The following BAALC variants were observed in gnomAD, a reference collection of about 807,000 sequenced individuals.
BAALC encodes the protein brain and acute leukemia cytoplasmic protein.
In BAALC, 9 loss-of-function variants were observed where a neutral mutation model predicts 15.5. The ratio of observed to expected loss-of-function variants is 0.58; its 90% confidence interval spans 0.35 to 1.02. BAALC has a LOEUF of 1.02. Among genes scored for constraint, BAALC ranks in the 50% least tolerant of loss-of-function variants. The pLI is 0.02. For missense variants in BAALC, 201 were observed against 192.4 expected (o/e 1.04, Z -0.27); for synonymous variants, 80 against 74.6 (o/e 1.07, Z -0.37).
At chr8:103,172,672 G>A (rs1811522976) in intron 1 of BAALC, among the ~76,000 whole-genome samples, 1 of 152,218 alleles carries the variant, frequency 6.6e-6, no homozygotes. Flanking sequence ...TGGGATTACA[G>A]ACATGAGCCA....
At chr8:103,152,669 T>G (rs1420897575) in intron 1 of BAALC, among the ~76,000 whole-genome samples, 1 of 152,210 alleles carries the variant, frequency 6.6e-6, no homozygotes, top group Non-Finnish European at 1.5e-5. Context: ...CCACACCTTT[T>G]GTACCAGTTA....
At chr8:103,177,101 T>C (rs1327907710) in intron 1 of BAALC, among the ~76,000 whole-genome samples, 2 of 152,204 alleles carry the variant, frequency 1.3e-5, no homozygotes, top group Non-Finnish European at 2.9e-5. Flanking sequence ...TTCATAAAGA[T>C]GGAAAGCATA....
At chr8:103,205,971 TTGA>T (rs1812318567) in intron 1 of BAALC, among the ~76,000 whole-genome samples, 1 of 152,212 alleles carries the variant, frequency 6.6e-6, no homozygotes, top group Non-Finnish European at 1.5e-5. Flanking sequence ...TCTGGGGCAC[TTGA>T]TGAGCATTTT....
intron 2 of BAALC, among the ~76,000 whole-genome samples, chr8:103,223,014 A>G (rs1457847928): frequency 6.6e-6 from 1 of 152,130 alleles, no homozygotes. Context: ...TTTAGTTTTA[A>G]AACTTTTTGG....
At chr8:103,141,170 C>A in intron 1 of BAALC, 113 bp downstream of exon 1, 1 of 1,249,992 alleles carries the variant, frequency 8.0e-7, no homozygotes, top group Non-Finnish European at 1.0e-6. Flanking sequence ...GCGGGGGTGG[C>A]TGGGAGGAAG....
At chr8:103,181,985 G>A (rs1811739729) in intron 1 of BAALC, among the ~76,000 whole-genome samples, 1 of 152,118 alleles carries the variant, frequency 6.6e-6, no homozygotes, top group African/African-American at 2.4e-5. Flanking sequence ...GTCGTTCTGG[G>A]GCTGACTCCG....
At chr8:103,176,817 A>C (rs201576109) in intron 1 of BAALC, among the ~76,000 whole-genome samples, 5 of 152,164 alleles carry the variant, frequency 3.3e-5, no homozygotes, top group African/African-American at 9.7e-5. Context: ...TTTTGCCCCA[A>C]TGTGAATCAA....
At chr8:103,192,209 C>G (rs4734692) in intron 1 of BAALC, among the ~76,000 whole-genome samples, 72,398 of 151,924 alleles carry the variant, frequency 0.48, 17,457 homozygotes, top group South Asian at 0.53. Flanking sequence ...GTGCCACCAC[C>G]CCTGGCTAAT....
intron 1 of BAALC, among the ~76,000 whole-genome samples, chr8:103,158,966 G>C (rs185860945): frequency 6.6e-6 from 1 of 152,244 alleles, no homozygotes; most frequent in Admixed American, 6.5e-5. Context: ...TCATGAATAT[G>C]TTAATTAGCT....
chr8:103,206,266 G>C (rs1474583760), intron 1 of BAALC, among the ~76,000 whole-genome samples: 4 of 152,044 alleles, frequency 2.6e-5, no homozygotes, highest in African/African-American at 7.2e-5. Context: ...TGAGAACCCT[G>C]ACTGATACAG....
chr8:103,162,443 A>C (rs1811247515), intron 1 of BAALC, among the ~76,000 whole-genome samples: 1 of 152,184 alleles, frequency 6.6e-6, no homozygotes. Flanking sequence ...CTGGTTGGGC[A>C]TCTCTCTCGG....
At chr8:103,191,544 A>C (rs1243098559) in intron 1 of BAALC, 2 of 152,154 alleles carry the variant, frequency 1.3e-5, no homozygotes, top group East Asian at 3.9e-4. Context: ...AAACTACCGT[A>C]CAGGATTTCA....
intron 1 of BAALC, among the ~76,000 whole-genome samples, chr8:103,183,159 A>C (rs1586408690): frequency 1.3e-5 from 2 of 152,158 alleles, no homozygotes; most frequent in East Asian, 3.8e-4. Flanking sequence ...TGGGAGAGCC[A>C]GGATTGCCAT....
chr8:103,159,303 T>C lies in BAALC; in HGVS notation c.160+18246T>C, dbSNP rs560181585. The stretch of plus-strand genomic sequence containing the variant: ...TCATCAGCTTTCTACCTAATGCTTT[T>C]AGCAGTTATTGATAATCATTGCCTA... On this transcript the variant is annotated intron_variant, in intron 1 of 2. Coordinates refer to ENST00000309982, the MANE Select transcript of BAALC (RefSeq NM_024812.3). Among the ~76,000 whole-genome samples, 8 of 152,360 alleles carry C rather than the reference T, an allele frequency of 5.3e-5. No homozygotes were observed. The South Asian group carries it at 1.7e-3, about 32-fold the overall frequency.
At chr8:103,145,745 T>C (rs1810864891) in intron 1 of BAALC, among the ~76,000 whole-genome samples, 1 of 152,254 alleles carries the variant, frequency 6.6e-6, no homozygotes, top group African/African-American at 2.4e-5. Flanking sequence ...CTCTGCTATG[T>C]ACCCAGCACC....
chr8:103,194,028 C>T (rs1015815899), intron 1 of BAALC, among the ~76,000 whole-genome samples: 5 of 152,130 alleles, frequency 3.3e-5, no homozygotes, highest in African/African-American at 9.7e-5. Context: ...TGCTTTGTCT[C>T]GCAAGAAAAA....
intron 1 of BAALC, among the ~76,000 whole-genome samples, chr8:103,150,273 A>G (rs865858278): frequency 3.9e-4 from 60 of 152,152 alleles, no homozygotes; most frequent in Admixed American, 1.2e-3. Context: ...GGGAGATACA[A>G]TTCAAGATAA....
At chr8:103,183,766 T>G (rs1811776636) in intron 1 of BAALC, among the ~76,000 whole-genome samples, 1 of 152,218 alleles carries the variant, frequency 6.6e-6, no homozygotes. Context: ...ATAGAAGTTA[T>G]GGTTGTGTCA....
At chr8:103,187,458 T>C (rs374448280) in intron 1 of BAALC, among the ~76,000 whole-genome samples, 24 of 152,204 alleles carry the variant, frequency 1.6e-4, no homozygotes, top group African/African-American at 5.5e-4. Context: ...CTGCTGAGAC[T>C]GAGAAACCCT....
Sources: gnomAD v4.1 joint callset for allele counts (sites outside exome capture counted in the v4.1 genomes callset) on GRCh38, gnomAD v4.1.1 for gene constraint, MANE v1.5 for transcripts, NCBI Gene and HGNC (gene_info 2026-07-23, HGNC 2026-07-21) for gene names.